The following GRAMD4 variants were observed in gnomAD, a reference collection of about 807,000 sequenced individuals.
The protein encoded by GRAMD4 is GRAM domain containing 4, also known as GRAM domain-containing protein 4.
GRAMD4 carries 25 observed loss-of-function variants against 83.9 expected under a neutral mutation model. The ratio of observed to expected loss-of-function variants is 0.30; its 90% CI spans 0.22 to 0.42. The LOEUF is 0.42. Among genes scored for constraint, GRAMD4 ranks in the 10% least tolerant of loss-of-function variants. The pLI, the probability that GRAMD4 is intolerant of heterozygous loss-of-function variation, is 1.00. For synonymous variants in GRAMD4, 336 were observed against 320.9 expected (o/e 1.05, Z -0.50); for missense variants, 593 against 788.7 (o/e 0.75, Z 2.97).
intron 3 of GRAMD4, among the ~76,000 whole-genome samples, chr22:46,639,155 T>C (rs1226202984): frequency 1.9e-5 from 1 of 53,000 alleles, no homozygotes; most frequent in Non-Finnish European, 4.1e-5. Flanking sequence ...TGTGCGTGAG[T>C]GTGTGTGTGT....
chr22:46,614,216 G>A (rs904427758), intron 1 of GRAMD4, among the ~76,000 whole-genome samples: 24 of 152,334 alleles, frequency 1.6e-4, no homozygotes, highest in Non-Finnish European at 2.5e-4. Flanking sequence ...CCTGCCGCGC[G>A]TGGCAGAAAC....
At chr22:46,615,009 C>T (rs1374182189) in intron 1 of GRAMD4, among the ~76,000 whole-genome samples, 1 of 104,496 alleles carries the variant, frequency 9.6e-6, no homozygotes, top group Non-Finnish European at 2.0e-5. Flanking sequence ...GTGTAGGTTC[C>T]CCTGTGCGTG....
chr22:46,643,297 A>ATCCG, intron 3 of GRAMD4, among the ~76,000 whole-genome samples: 1 of 119,866 alleles, frequency 8.3e-6, no homozygotes, highest in South Asian at 3.0e-4. Context: ...CCATCCATTC[A>ATCCG]TCCATCCATC....
chr22:46,680,589 T>TCCACCCAC (rs1372006829), downstream of GRAMD4, among the ~76,000 whole-genome samples: 19 of 13,966 alleles, frequency 1.4e-3, 2 homozygotes, highest in Admixed American at 5.0e-3. Context: ...CATCCATCCA[T>TCCACCCAC]CCATCCACCC....
intron 3 of GRAMD4, among the ~76,000 whole-genome samples, chr22:46,654,637 C>T (rs77195073): frequency 0.03 from 4,594 of 152,288 alleles, 183 homozygotes; most frequent in African/African-American, 0.079. Context: ...CCCAAGTCCC[C>T]GCCTGCCTCC....
intron 1 of GRAMD4, among the ~76,000 whole-genome samples, chr22:46,609,364 A>G (rs1174856464): frequency 6.6e-6 from 1 of 152,196 alleles, no homozygotes; most frequent in Non-Finnish European, 1.5e-5. Context: ...GCTTGTATGT[A>G]TCCCAGGGCT....
intron 11 of GRAMD4, 51 bp from the exon 12 acceptor site, chr22:46,668,638 T>C (rs1569303072): frequency 1.3e-6 from 2 of 1,561,318 alleles, no homozygotes; most frequent in South Asian, 2.2e-5. Context: ...GCGGTGTGAC[T>C]GACAGCCCAG....
intron 1 of GRAMD4, among the ~76,000 whole-genome samples, chr22:46,612,841 C>G (rs138503): frequency 0.013 from 2,023 of 152,288 alleles, 32 homozygotes; most frequent in Middle Eastern, 0.027. Context: ...CCTTCCCTGA[C>G]GCGGTCTCCT....
At chr22:46,673,636 C>T (rs781550908) in intron 14 of GRAMD4, 34 bp from the exon 15 acceptor site, 9 of 1,597,830 alleles carry the variant, frequency 5.6e-6, no homozygotes, top group African/African-American at 2.7e-5. Flanking sequence ...GCGTGGGCAG[C>T]GGGCCTGACC....
chr22:46,673,963 A>C, intron 15 of GRAMD4, 149 bp downstream of exon 15: 1 of 890,746 alleles, frequency 1.1e-6, no homozygotes, highest in East Asian at 2.5e-5. Flanking sequence ...CCCCAGGAGG[A>C]GTGCAGGAGC....
At chr22:46,596,006 C>T (rs1412687324) in intron 1 of GRAMD4, among the ~76,000 whole-genome samples, 6 of 152,252 alleles carry the variant, frequency 3.9e-5, no homozygotes, top group Non-Finnish European at 7.3e-5. Context: ...ACCCTGGATG[C>T]TCTCCGTGCT....
rs1384821922 is a variant in GRAMD4, at chr22:46,663,101, G to C, written c.528G>C (p.Glu176Asp). 6.2e-7 allele frequency: 1 copy of C among 1,612,054 alleles called. No homozygotes were observed. Among genetic ancestry groups the C allele is most frequent in the Non-Finnish European group, 8.5e-7 (1 of 1,179,372 alleles). ...LQKWFYERFG[E>D]YVEDFRFQPE... ...AGTGGTTCTACGAGCGGTTTGGGGAGTACGTGGAGGACTTCCGGTTCCAGC... is the reference window on the plus strand; with the variant it reads ...AGTGGTTCTACGAGCGGTTTGGGGACTACGTGGAGGACTTCCGGTTCCAGC... Residue 176 changes from glutamate (E) to aspartate (D), a missense_variant, in exon 6 of 19, where the codon GAG becomes GAC. By Grantham distance (45) the Glu-to-Asp change is conservative. This residue lies in a region of GRAMD4 where 312 missense variants were observed against 350.7 expected (regional missense o/e 0.89). Coordinates refer to ENST00000406902, the MANE Select transcript of GRAMD4 (RefSeq NM_015124.5).
At chr22:46,664,005 T>C (rs760559411) in intron 7 of GRAMD4, 21 bp from the exon 8 acceptor site, 1 of 1,598,210 alleles carries the variant, frequency 6.3e-7, no homozygotes, top group Non-Finnish European at 8.6e-7. Context: ...TGCTGACCAC[T>C]GTGGTCTGCT....
chr22:46,585,362 G>T (rs1241163199), intron 1 of GRAMD4, among the ~76,000 whole-genome samples: 2 of 152,058 alleles, frequency 1.3e-5, no homozygotes, highest in Admixed American at 1.3e-4. Context: ...AGCTAATTTT[G>T]TATTTTTAGT....
intron 5 of GRAMD4, among the ~76,000 whole-genome samples, chr22:46,661,956 G>T (rs774674332): frequency 6.6e-6 from 1 of 152,226 alleles, no homozygotes; most frequent in African/African-American, 2.4e-5. Flanking sequence ...AGCCGGCATA[G>T]TTCCCTGTAC....
chr22:46,623,833 G>A (rs1237957303), intron 1 of GRAMD4, among the ~76,000 whole-genome samples: 1 of 150,464 alleles, frequency 6.6e-6, no homozygotes, highest in Non-Finnish European at 1.5e-5. Flanking sequence ...CCAGGCTGGA[G>A]TGCAGTGGCG....
chr22:46,680,174 C>T (rs1601699998), downstream of GRAMD4, among the ~76,000 whole-genome samples: 2 of 152,306 alleles, frequency 1.3e-5, no homozygotes, highest in East Asian at 3.9e-4. Context: ...GGCCCCTCTC[C>T]ACTTTGGTGT....
intron 17 of GRAMD4, 29 bp from the exon 18 acceptor site, chr22:46,676,571 T>G: frequency 6.5e-7 from 1 of 1,543,672 alleles, no homozygotes; most frequent in South Asian, 1.2e-5. Flanking sequence ...AGGAGAGACC[T>G]GTGGTGACGG....
chr22:46,580,290 C>T (rs1174422057), intron 1 of GRAMD4, among the ~76,000 whole-genome samples: 2 of 152,236 alleles, frequency 1.3e-5, no homozygotes, highest in Non-Finnish European at 2.9e-5. Flanking sequence ...AAGTGGACCA[C>T]TCACAGTGCT....
Sources: allele counts gnomAD v4.1 joint callset (sites outside exome capture counted in the v4.1 genomes callset), GRCh38; gene constraint gnomAD v4.1.1; regional missense constraint gnomAD v4.1.1; transcripts MANE v1.5; gene names NCBI Gene and HGNC (gene_info 2026-07-23, HGNC 2026-07-21).